EXT1: variants seen among roughly 807,000 people sequenced by gnomAD.
EXT1 encodes exostosin-1.
A neutral mutation model predicts 82.5 loss-of-function variants in EXT1; 20 were observed. The observed-to-expected ratio is 0.24, with a 90% confidence interval of 0.17 to 0.35. The LOEUF (loss-of-function observed/expected upper bound fraction) is 0.35. Among genes scored for constraint, EXT1 ranks in the 10% least tolerant of loss-of-function variants. EXT1 has a pLI of 1.00. For synonymous variants in EXT1, 348 were observed against 350.8 expected, an observed-to-expected ratio of 0.99 and a Z score of 0.09; for missense variants, 757 against 936.5, an observed-to-expected ratio of 0.81 and a Z score of 2.50.
At chr8:118,092,541 G>A (rs1817540710) in intron 1 of EXT1, among the ~76,000 whole-genome samples, 1 of 152,282 alleles carries the variant, frequency 6.6e-6, no homozygotes, top group East Asian at 1.9e-4. Context: ...CTGACTTACT[G>A]CCCCTGTCTA....
intron 1 of EXT1, among the ~76,000 whole-genome samples, chr8:118,099,199 T>G (rs1002684491): frequency 6.6e-6 from 1 of 152,192 alleles, no homozygotes; most frequent in Admixed American, 6.5e-5. Context: ...GCACATTCAT[T>G]CCTGAGGAGG....
intron 1 of EXT1, among the ~76,000 whole-genome samples, chr8:117,893,731 T>G (rs532882742): frequency 1.2e-4 from 18 of 152,300 alleles, no homozygotes; most frequent in African/African-American, 4.1e-4. Context: ...TCTGAGTCAC[T>G]GAGATGAGAC....
chr8:117,894,285 T>C (rs1416711661), intron 1 of EXT1, among the ~76,000 whole-genome samples: 1 of 152,150 alleles, frequency 6.6e-6, no homozygotes, highest in Non-Finnish European at 1.5e-5. Context: ...GCAATCCTTC[T>C]GCCGCAGCCT....
chr8:117,947,826 T>C (rs931897047), intron 1 of EXT1, among the ~76,000 whole-genome samples: 7 of 152,144 alleles, frequency 4.6e-5, no homozygotes, highest in African/African-American at 1.7e-4. Context: ...GTGCAAGTAA[T>C]TATATCTGAG....
intron 1 of EXT1, among the ~76,000 whole-genome samples, chr8:118,106,281 G>C (rs1349191808): frequency 6.6e-6 from 1 of 152,206 alleles, no homozygotes; most frequent in Admixed American, 6.5e-5. Flanking sequence ...CCTTGTGGCT[G>C]GTGAATTTTC....
chr8:118,053,138 T>C (rs1285864905), intron 1 of EXT1, among the ~76,000 whole-genome samples: 1 of 152,154 alleles, frequency 6.6e-6, no homozygotes, highest in East Asian at 1.9e-4. Context: ...AATAATCTGT[T>C]GTAAAAGCAG....
At chr8:117,873,869 A>T (rs189105387) in intron 1 of EXT1, among the ~76,000 whole-genome samples, 28 of 152,318 alleles carry the variant, frequency 1.8e-4, no homozygotes, top group Non-Finnish European at 2.8e-4. Flanking sequence ...AAATAGATTT[A>T]TTTGGTATTT....
chr8:118,044,696 C>T lies in EXT1; in HGVS notation c.962+65389G>A, dbSNP rs1016172523. Among the ~76,000 whole-genome samples, 7 of 152,088 alleles carry T rather than the reference C, an allele frequency of 4.6e-5. No individual in the cohort carries two copies. The South Asian group carries it at 8.3e-4, about 18-fold the overall frequency. ...TGCTGGGATTACAGGTGTGAGCCAC[C>T]GTGCGCGGCTGATTTTATTTTTTAT... On this transcript the variant is annotated intron_variant, in intron 1 of 10. Transcript: ENST00000378204.
At chr8:117,992,506 ATCT>A (rs1815456793) in intron 1 of EXT1, among the ~76,000 whole-genome samples, 1 of 151,368 alleles carries the variant, frequency 6.6e-6, no homozygotes, top group Non-Finnish European at 1.5e-5. Context: ...TTGGCCCAAC[ATCT>A]TCTCCTAGTC....
At chr8:117,979,690 A>G (rs898550157) in intron 1 of EXT1, among the ~76,000 whole-genome samples, 2 of 152,202 alleles carry the variant, frequency 1.3e-5, no homozygotes, top group African/African-American at 4.8e-5. Flanking sequence ...CGTAATCTCC[A>G]CAACAAAATG....
rs547617671 is a variant in EXT1 at position 118,092,443 on chromosome 8, A to G, written c.962+17642T>C. ...ATGAATCAGCTTTACCCCTGAAAGT[A>G]CAGAAACCTAGACAGTTAAAAACCA... On this transcript the variant is annotated intron_variant, in intron 1 of 10. Transcript: ENST00000378204. 3.9e-5 allele frequency among the ~76,000 whole-genome samples: 6 copies of G among 152,322 alleles called. No homozygotes were observed. In the East Asian group the frequency reaches 5.8e-4, roughly 15 times the overall value.
chr8:118,111,265 G>A lies in EXT1; in HGVS notation c.-219C>T. On this transcript the variant is annotated 5_prime_UTR_variant, in exon 1 of 11. Transcript: ENST00000378204. Reference sequence around the variant, plus strand: ...CCCTTCGGTCTTTCATCTTTGGGTTGCACAATGCACGGGAGAGAGCGGGGC... The same window carrying A: ...CCCTTCGGTCTTTCATCTTTGGGTTACACAATGCACGGGAGAGAGCGGGGC... The A allele has an allele frequency of 1.4e-6, 1 of 695,298 alleles. No individual in the cohort carries two copies. The highest frequency in any genetic ancestry group is 2.5e-6 in the Non-Finnish European group (1 of 406,506). 43.1% of individuals were successfully genotyped at this position (695,298 alleles called of 1,614,324 possible).
chr8:117,861,327 G>C (rs929507277), intron 1 of EXT1, among the ~76,000 whole-genome samples: 1 of 152,070 alleles, frequency 6.6e-6, no homozygotes, highest in Admixed American at 6.6e-5. Flanking sequence ...TCAACACAGG[G>C]ACTAGTTTGT....
At chr8:118,005,036 G>A (rs189806812) in intron 1 of EXT1, among the ~76,000 whole-genome samples, 1 of 152,272 alleles carries the variant, frequency 6.6e-6, no homozygotes, top group Non-Finnish European at 1.5e-5. Flanking sequence ...TTACATGGGG[G>A]TGAGGGAGAC....
chr8:117,807,508 T>C (rs1387936315), intron 8 of EXT1, 131 bp from the exon 9 acceptor site: 2 of 1,010,702 alleles, frequency 2.0e-6, no homozygotes, highest in Non-Finnish European at 3.0e-6. Context: ...TATGTATTCA[T>C]CAGCAAATTA....
At chr8:117,830,924 C>G (rs1327108720) in intron 3 of EXT1, among the ~76,000 whole-genome samples, 1 of 152,168 alleles carries the variant, frequency 6.6e-6, no homozygotes, top group Admixed American at 6.5e-5. Flanking sequence ...AGCCTTTACC[C>G]AAGTCTAACT....
At chr8:118,095,393 C>T (rs1372490529) in intron 1 of EXT1, among the ~76,000 whole-genome samples, 2 of 152,080 alleles carry the variant, frequency 1.3e-5, no homozygotes, top group Admixed American at 6.6e-5. Flanking sequence ...AATCTAAATA[C>T]AAAAAATATT....
At chr8:118,002,790 C>T (rs1265559068) in intron 1 of EXT1, among the ~76,000 whole-genome samples, 1 of 152,008 alleles carries the variant, frequency 6.6e-6, no homozygotes, top group Non-Finnish European at 1.5e-5. Context: ...CCTCAGCCTC[C>T]CAAAGTGCTG....
At chr8:118,099,746 C>A (rs1302276229) in intron 1 of EXT1, among the ~76,000 whole-genome samples, 1 of 152,184 alleles carries the variant, frequency 6.6e-6, no homozygotes, top group Non-Finnish European at 1.5e-5. Flanking sequence ...TTCTCATTAC[C>A]CTGCACATAG....
Sources: allele counts gnomAD v4.1 joint callset (sites outside exome capture counted in the v4.1 genomes callset), GRCh38; gene constraint gnomAD v4.1.1; transcripts MANE v1.5; gene names NCBI Gene and HGNC (gene_info 2026-07-23, HGNC 2026-07-21).